Variants in SPAG16 observed in about 807,000 individuals in gnomAD.
The protein encoded by SPAG16 is sperm associated antigen 16.
SPAG16 carries 86 observed loss-of-function variants against 80.4 expected under a neutral mutation model. The observed-to-expected ratio is 1.07, with a 90% CI of 0.90 to 1.28. The LOEUF (loss-of-function observed/expected upper bound fraction) is 1.28, where lower values mean the gene tolerates loss of function less well. Among genes scored for constraint, SPAG16 ranks in the 50% most tolerant of loss-of-function variants. SPAG16 has a pLI of 0.00. For synonymous variants in SPAG16, 294 were observed against 265.9 expected (o/e 1.11, Z -1.03); for missense variants, 870 against 765.3 (o/e 1.14, Z -1.61).
At chr2:213,390,134 GA>G (rs1355040970) in intron 9 of SPAG16, among the ~76,000 whole-genome samples, 1 of 152,156 alleles carries the variant, frequency 6.6e-6, no homozygotes, top group Non-Finnish European at 1.5e-5. Context: ...ACCAATAACA[GA>G]AAGACAAATA....
intron 15 of SPAG16, among the ~76,000 whole-genome samples, chr2:214,231,681 A>T (rs1406699638): frequency 6.6e-6 from 1 of 152,114 alleles, no homozygotes; most frequent in Non-Finnish European, 1.5e-5. Context: ...AGGAAAGAGC[A>T]CAAAGAAACT....
intron 6 of SPAG16, among the ~76,000 whole-genome samples, chr2:213,341,373 C>A (rs1309204713): frequency 6.6e-6 from 1 of 152,126 alleles, no homozygotes; most frequent in Non-Finnish European, 1.5e-5. Context: ...TGATGCCAGG[C>A]AAAGTTGGGG....
intron 15 of SPAG16, among the ~76,000 whole-genome samples, chr2:214,303,570 C>A (rs1694706553): frequency 6.6e-6 from 1 of 152,082 alleles, no homozygotes; most frequent in African/African-American, 2.4e-5. Context: ...TTCACATTGA[C>A]CTTAGATAGT....
chr2:213,702,439 T>C (rs1196579603), intron 10 of SPAG16, among the ~76,000 whole-genome samples: 2 of 152,200 alleles, frequency 1.3e-5, no homozygotes, highest in African/African-American at 4.8e-5. Context: ...GGTCTGCACC[T>C]TCACTTCTGA....
intron 9 of SPAG16, among the ~76,000 whole-genome samples, chr2:213,432,123 A>G (rs958001061): frequency 2.0e-5 from 3 of 152,150 alleles, no homozygotes; most frequent in Non-Finnish European, 4.4e-5. Flanking sequence ...ATAGGGTTAA[A>G]TGGCTGCATT....
chr2:214,124,812 T>G (rs1389790559), intron 14 of SPAG16, among the ~76,000 whole-genome samples: 1 of 151,782 alleles, frequency 6.6e-6, no homozygotes, highest in Admixed American at 6.7e-5. Flanking sequence ...GGGAAACTGT[T>G]TTAAAAGGTA....
intron 9 of SPAG16, among the ~76,000 whole-genome samples, chr2:213,419,212 TA>T (rs2069446207): frequency 6.6e-6 from 1 of 152,186 alleles, no homozygotes. Flanking sequence ...CTCTGAACAA[TA>T]ACTCCTTCCT....
At chr2:213,427,143 G>T (rs1287683270) in intron 9 of SPAG16, among the ~76,000 whole-genome samples, 3 of 152,026 alleles carry the variant, frequency 2.0e-5, no homozygotes, top group Non-Finnish European at 4.4e-5. Flanking sequence ...TCACAGCATT[G>T]TCTGGCACCT....
rs536176481 is a variant in SPAG16, at chr2:214,346,277, G to A, written c.1721-63863G>A. On this transcript the variant is annotated intron_variant, in intron 15 of 15. Transcript: ENST00000331683. ...CATTTGTAAATTCTAACCCTTCCAG[G>A]GAGTGTGTTGTAGCATTTTATTATA... 2.0e-5 allele frequency among the ~76,000 whole-genome samples: 3 copies of A among 151,786 alleles called. No homozygotes were observed. In the South Asian group the frequency reaches 6.2e-4, roughly 32 times the overall value.
At chr2:214,385,234 T>G (rs994276706) in intron 15 of SPAG16, among the ~76,000 whole-genome samples, 1 of 152,084 alleles carries the variant, frequency 6.6e-6, no homozygotes, top group Admixed American at 6.5e-5. Flanking sequence ...AGTTAACTTC[T>G]TAGTGCCTCA....
At chr2:213,335,140 G>C (rs905337096) in intron 5 of SPAG16, among the ~76,000 whole-genome samples, 4 of 152,126 alleles carry the variant, frequency 2.6e-5, no homozygotes, top group African/African-American at 9.6e-5. Flanking sequence ...TAGATAAATG[G>C]TTAAAACTAG....
intron 10 of SPAG16, among the ~76,000 whole-genome samples, chr2:213,743,972 C>A (rs2067698755): frequency 1.3e-5 from 2 of 152,084 alleles, no homozygotes; most frequent in African/African-American, 4.8e-5. Context: ...TTCGTGGTAC[C>A]TTGCCTCTTG....
chr2:214,208,468 G>A (rs75365682), intron 15 of SPAG16, among the ~76,000 whole-genome samples: 2 of 152,070 alleles, frequency 1.3e-5, no homozygotes, highest in South Asian at 4.1e-4. Context: ...CAAAGTAAAG[G>A]CTTTGAGTGC....
chr2:214,069,109 T>A (rs2050666282), intron 13 of SPAG16, among the ~76,000 whole-genome samples: 1 of 152,162 alleles, frequency 6.6e-6, no homozygotes, highest in Non-Finnish European at 1.5e-5. Flanking sequence ...CCACAAATTT[T>A]CTGTGTGATT....
At chr2:214,255,906 A>T (rs1484540589) in intron 15 of SPAG16, among the ~76,000 whole-genome samples, 1 of 151,978 alleles carries the variant, frequency 6.6e-6, no homozygotes, top group Admixed American at 6.6e-5. Flanking sequence ...GATATTATCA[A>T]TAAAGCTTCT....
rs2069429572 is a variant in SPAG16, at chr2:213,418,978, T to A, written c.942+43859T>A. 2.1e-5 allele frequency among the ~76,000 whole-genome samples: 3 copies of A among 143,804 alleles called. No homozygotes were observed. The South Asian group carries it at 6.5e-4, about 31-fold the overall frequency. The allele number at this position is 143,804 out of a possible 152,430, so 94.3% of individuals were successfully genotyped here. A position where few individuals can be genotyped will look rare whatever the true frequency, so the allele number is the denominator to read the frequency against. On this transcript the variant is annotated intron_variant, in intron 9 of 15. Coordinates refer to ENST00000331683, the MANE Select transcript of SPAG16 (RefSeq NM_024532.5). ...GATCAATTTCTTTAGAAAGGAACCA[T>A]TTTCTCCCAAGGTCTAAAAGCCTGT...
At chr2:214,083,625 G>A (rs539251966) in intron 13 of SPAG16, among the ~76,000 whole-genome samples, 47 of 152,202 alleles carry the variant, frequency 3.1e-4, no homozygotes, top group African/African-American at 1.1e-3. Flanking sequence ...TTCTGCTTTT[G>A]TTGCATATCT....
At chr2:214,208,707 G>A (rs2058212472) in intron 15 of SPAG16, among the ~76,000 whole-genome samples, 1 of 151,956 alleles carries the variant, frequency 6.6e-6, no homozygotes, top group Non-Finnish European at 1.5e-5. Flanking sequence ...ATGACATTGA[G>A]CAGTAGGATA....
chr2:213,355,363 A>G (rs1394606665), intron 7 of SPAG16, among the ~76,000 whole-genome samples: 1 of 110,294 alleles, frequency 9.1e-6, no homozygotes, highest in African/African-American at 3.0e-5. Context: ...TTTTGGTTCC[A>G]TATGAACTTT....
Sources: gnomAD v4.1 joint callset for allele counts (sites outside exome capture counted in the v4.1 genomes callset) on GRCh38, gnomAD v4.1.1 for gene constraint, MANE v1.5 for transcripts, NCBI Gene and HGNC (gene_info 2026-07-23, HGNC 2026-07-21) for gene names.